The following TTI2 variants were observed in gnomAD, a reference collection of about 807,000 sequenced individuals.
TTI2 encodes TELO2-interacting protein 2.
In TTI2, 26 loss-of-function variants were observed where a neutral mutation model predicts 44.9. That is an observed-to-expected ratio of 0.58 (90% CI 0.42 to 0.80). TTI2 has a LOEUF of 0.80. TTI2 is among the 30% of genes least tolerant of loss of function. The pLI is 0.00. For missense variants in TTI2, 582 were observed against 611.6 expected, an observed-to-expected ratio of 0.95 and a Z score of 0.51; for synonymous variants, 254 against 250.9, an observed-to-expected ratio of 1.01 and a Z score of -0.12.
chr8:33,499,218 T>A lies in TTI2; in HGVS notation c.1482A>T (p.Arg494Ser). 1.2e-6 allele frequency: 2 copies of A among 1,614,166 alleles called. No individual in the cohort carries two copies. Among genetic ancestry groups the A allele is most frequent in the Non-Finnish European group, 1.7e-6 (2 of 1,180,016 alleles). Residue 494 changes from arginine (R) to serine (S), a missense_variant, in exon 8 of 8, where the codon AGA becomes AGT. Physicochemically the swap from Arg to Ser is moderately radical, Grantham distance 110. Transcript: ENST00000431156. ...CEDRKVVNYI[R>S]KVQQVSEGAP... ...CGCCTTCAGAAACCTGCTGCACTTT[T>A]CTGATATAGTTCACCACTTTTCTGT...
At chr8:33,511,095 T>C (rs189898216) in intron 2 of TTI2, among the ~76,000 whole-genome samples, 99 of 152,228 alleles carry the variant, frequency 6.5e-4, no homozygotes, top group African/African-American at 2.1e-3. Context: ...CAGATTGGAG[T>C]GCAGTGGCCC....
chr8:33,507,290 GCT>G lies in TTI2; in HGVS notation c.864_865del (p.Arg288SerfsTer52). 5 of 1,614,162 alleles carry G rather than the reference GCT, an allele frequency of 3.1e-6. No homozygotes were observed. Among genetic ancestry groups the G allele is most frequent in the Non-Finnish European group, 2.5e-6 (3 of 1,180,022 alleles). ...GGAAATGGCATGGTATAGGACCTGG[GCT>G]CTGTTATACTGGAGCAAATCAGCAG... On this transcript the variant is annotated frameshift_variant, in exon 4 of 8. Coordinates refer to ENST00000431156, the MANE Select transcript of TTI2 (RefSeq NM_001102401.4). LOFTEE classifies it high-confidence loss of function.
intron 3 of TTI2, 95 bp downstream of exon 3, chr8:33,509,651 A>G: frequency 7.9e-7 from 1 of 1,259,762 alleles, no homozygotes; most frequent in Non-Finnish European, 1.2e-6. Context: ...ACAAATAAGT[A>G]AAGTTGAATG....
At chr8:33,507,681 G>C (rs1230955664) in intron 3 of TTI2, among the ~76,000 whole-genome samples, 1 of 151,844 alleles carries the variant, frequency 6.6e-6, no homozygotes, top group Non-Finnish European at 1.5e-5. Context: ...CTACAACCAT[G>C]TATCTCCTAG....
intron 4 of TTI2, among the ~76,000 whole-genome samples, chr8:33,505,485 CTTTTT>C (rs11446015): frequency 1.4e-5 from 2 of 146,936 alleles, no homozygotes; most frequent in Non-Finnish European, 3.0e-5. Context: ...GCCACTGCAC[CTTTTT>C]TTTTTCTTTT....
Position 33,512,019 on chromosome 8 carries a change from C to A in TTI2, c.595G>T (p.Glu199Ter), listed in dbSNP as rs1354585651. ...AGTATCACCGAAAGTCTCCCTTTCT[C>A]ATCTTCATTTTCTCCATGTAGGAAT... ...AGFLHGENED[E>*]KGRLSVILGL... The change falls in exon 2 of 8, where the codon GAG becomes TAG. Residue 199 changes from glutamate to a stop codon, truncating the protein, a stop_gained. Coordinates refer to ENST00000431156, the MANE Select transcript of TTI2 (RefSeq NM_001102401.4). LOFTEE classifies it high-confidence loss of function. 28 of 1,614,082 alleles carry A rather than the reference C, an allele frequency of 1.7e-5. No homozygotes were observed. Among genetic ancestry groups the A allele is most frequent in the Non-Finnish European group, 2.3e-5 (27 of 1,180,054 alleles).
In TTI2 at chr8:33,499,052, G is replaced by T; in HGVS notation, c.*121C>A. On this transcript the variant is annotated 3_prime_UTR_variant, in exon 8 of 8. Coordinates refer to ENST00000431156, the MANE Select transcript of TTI2 (RefSeq NM_001102401.4). ...ATGGAGGTAAAAGGAAAGGAAGGAA[G>T]GAAAAAGCAGCTTTCACTTACAAAG... 1.2e-6 allele frequency: 1 copy of T among 836,714 alleles called. No individual in the cohort carries two copies. The highest frequency in any genetic ancestry group is 2.0e-6 in the Non-Finnish European group (1 of 505,234). The allele number at this position is 836,714 out of a possible 1,614,324, so 51.8% of individuals were successfully genotyped here. A position where few individuals can be genotyped will look rare whatever the true frequency, so the allele number is the denominator to read the frequency against.
intron 4 of TTI2, among the ~76,000 whole-genome samples, chr8:33,505,366 C>G (rs760291053): frequency 6.6e-6 from 1 of 152,138 alleles, no homozygotes; most frequent in Non-Finnish European, 1.5e-5. Context: ...GTTTCTTTCT[C>G]CCTCCTAAGA....
In TTI2 at chr8:33,503,415, A is replaced by C; in HGVS notation, c.1259+14T>G. The C allele has an allele frequency of 6.2e-7, 1 of 1,614,096 alleles. No individual in the cohort carries two copies. On this transcript the variant is annotated intron_variant, in intron 6 of 7. Coordinates refer to ENST00000431156, the MANE Select transcript of TTI2 (RefSeq NM_001102401.4). Reference sequence around the variant, plus strand: ...GAAAATCGGCTGAGTTTTGCACCTTAAGGCTGCTATTACCTGGGCCAAGTA... The same window carrying C: ...GAAAATCGGCTGAGTTTTGCACCTTCAGGCTGCTATTACCTGGGCCAAGTA...
At position 33,512,506 on chromosome 8, in the gene TTI2, A is replaced by G. The variant is rs1482364438; in HGVS notation, c.108T>C (p.Cys36=). 1.9e-6 allele frequency: 3 copies of G among 1,614,180 alleles called. No individual in the cohort carries two copies. Among genetic ancestry groups the G allele is most frequent in the African/African-American group, 1.3e-5 (1 of 75,032 alleles). Residue 36 remains cysteine, a synonymous_variant, in exon 2 of 8, where the codon TGT becomes TGC. Coordinates refer to ENST00000431156, the MANE Select transcript of TTI2 (RefSeq NM_001102401.4). ...CTCGTCGTGCCTCCGGGCGGGCAAG[A>G]CAGTGTAAAATCTTGGAGAAGGCCT... ...FGQAFSKILH[C]LARPEARRGN...
chr8:33,498,780 G>A lies in TTI2; in HGVS notation c.*393C>T. On this transcript the variant is annotated 3_prime_UTR_variant, in exon 8 of 8. Coordinates refer to ENST00000431156, the MANE Select transcript of TTI2 (RefSeq NM_001102401.4). ...TTTTATTATTTATGCCACGTCAGTG[G>A]GGCAAGAAATCTGGAGTGAGTGAAG... is the stretch of plus-strand genomic sequence containing the variant. 1 of 705,158 alleles carries A rather than the reference G, an allele frequency of 1.4e-6. No individual in the cohort carries two copies. Among genetic ancestry groups the A allele is most frequent in the Non-Finnish European group, 2.3e-6 (1 of 427,846 alleles). The allele number at this position is 705,158 out of a possible 1,614,324, so 43.7% of individuals were successfully genotyped here.
intron 1 of TTI2, 161 bp from the exon 2 acceptor site, chr8:33,512,873 T>A (rs1585337378): frequency 1.7e-5 from 3 of 171,662 alleles, no homozygotes; most frequent in Non-Finnish European, 3.0e-5. Context: ...AGACTCCGTC[T>A]CAGTAAAAAA....
At chr8:33,510,040 A>G in intron 2 of TTI2, 108 bp from the exon 3 acceptor site, 2 of 853,630 alleles carry the variant, frequency 2.3e-6, no homozygotes, top group Non-Finnish European at 1.8e-6. Flanking sequence ...TCTTTGAAAA[A>G]AAAAATACAT....
intron 3 of TTI2, among the ~76,000 whole-genome samples, chr8:33,508,494 C>G (rs1418244918): frequency 1.3e-5 from 2 of 151,844 alleles, no homozygotes; most frequent in African/African-American, 2.4e-5. Context: ...TCCTGTAATT[C>G]CAGCTACTCT....
chr8:33,507,547 G>A (rs1369110393), intron 3 of TTI2, among the ~76,000 whole-genome samples: 1 of 152,086 alleles, frequency 6.6e-6, no homozygotes, highest in African/African-American at 2.4e-5. Flanking sequence ...CTCTGGGTGG[G>A]GTATGCTTTC....
chr8:33,503,550 G>A lies in TTI2; in HGVS notation c.1138C>T (p.His380Tyr), dbSNP rs765124924. The change falls in exon 6 of 8, where the codon CAC becomes TAC. Residue 380 changes from histidine to tyrosine, a missense_variant. His to Tyr is a moderately conservative substitution (Grantham distance 83, BLOSUM62 2). Transcript: ENST00000431156. ...ATGACTCTCTCCAGCCTCTTTAAGT[G>A]CCGGACAGTTAGGATCCCCAACCTA... is the stretch of plus-strand genomic sequence containing the variant. Reference protein sequence around the residue: ...VNRLGILTVRHLKRLERVIIG... With the variant: ...VNRLGILTVRYLKRLERVIIG... 6.2e-7 allele frequency: 1 copy of A among 1,613,940 alleles called. No individual in the cohort carries two copies. Among genetic ancestry groups the A allele is most frequent in the Non-Finnish European group, 8.5e-7 (1 of 1,180,006 alleles).
At chr8:33,508,327 C>T (rs953615955) in intron 3 of TTI2, among the ~76,000 whole-genome samples, 4 of 151,708 alleles carry the variant, frequency 2.6e-5, no homozygotes, top group Non-Finnish European at 2.9e-5. Flanking sequence ...GGGCTGAGGC[C>T]GGGCTCACGC....
rs376364988 is a variant in TTI2 at position 33,512,003 on chromosome 8, G to C, written c.611C>G (p.Ser204Trp). ...GENEDEKGRLSVILGLLKPDL... is the reference protein window; with the variant it reads ...GENEDEKGRLWVILGLLKPDL... ...GGGTTTGAGAAGCCCTAGTATCACC[G>C]AAAGTCTCCCTTTCTCATCTTCATT... The change falls in exon 2 of 8, where the codon TCG becomes TGG. Residue 204 changes from serine to tryptophan, a missense_variant. Coordinates refer to ENST00000431156, the MANE Select transcript of TTI2 (RefSeq NM_001102401.4). 1.2e-6 allele frequency: 2 copies of C among 1,614,052 alleles called. No individual in the cohort carries two copies. Among genetic ancestry groups the C allele is most frequent in the African/African-American group, 2.7e-5 (2 of 74,924 alleles).
At chr8:33,501,819 T>C (rs62511886) in intron 6 of TTI2, among the ~76,000 whole-genome samples, 160 of 152,348 alleles carry the variant, frequency 1.1e-3, no homozygotes, top group Non-Finnish European at 1.9e-3. Flanking sequence ...TTTTCAGCTA[T>C]GCAAGAGATG....
Sources: gnomAD v4.1 joint callset for allele counts (sites outside exome capture counted in the v4.1 genomes callset) on GRCh38, gnomAD v4.1.1 for gene constraint, MANE v1.5 for transcripts, NCBI Gene and HGNC (gene_info 2026-07-23, HGNC 2026-07-21) for gene names.